The following DSCAM variants were observed in gnomAD, a reference collection of about 807,000 sequenced individuals.
DSCAM encodes DS cell adhesion molecule.
A neutral mutation model predicts 217.7 loss-of-function variants in DSCAM; 47 were observed. That is an observed-to-expected ratio of 0.22 (90% CI 0.17 to 0.28). The LOEUF (loss-of-function observed/expected upper bound fraction) is 0.28, where lower values mean the gene tolerates loss of function less well. DSCAM is among the 10% of genes least tolerant of loss of function. The pLI is 1.00. For synonymous variants in DSCAM, 1,056 were observed against 1,015.3 expected (o/e 1.04, Z -0.76); for missense variants, 2,080 against 2,618.3 (o/e 0.79, Z 4.49).
chr21:40,511,426 G>A (rs1220539072), intron 3 of DSCAM, among the ~76,000 whole-genome samples: 2 of 152,202 alleles, frequency 1.3e-5, no homozygotes, highest in East Asian at 1.9e-4. Flanking sequence ...GAAAACAAAT[G>A]TCATAAATTT....
At chr21:40,612,216 T>C (rs1053702677) in intron 3 of DSCAM, among the ~76,000 whole-genome samples, 2 of 152,166 alleles carry the variant, frequency 1.3e-5, no homozygotes, top group Non-Finnish European at 2.9e-5. Flanking sequence ...CTCATTGAGA[T>C]TTATAATTTA....
intron 1 of DSCAM, among the ~76,000 whole-genome samples, chr21:40,832,653 A>C (rs984880264): frequency 6.6e-6 from 1 of 152,210 alleles, no homozygotes; most frequent in African/African-American, 2.4e-5. Flanking sequence ...TCTGATTTAA[A>C]AAACTGCACA....
chr21:40,381,338 G>T (rs1480662231), intron 3 of DSCAM, among the ~76,000 whole-genome samples: 1 of 152,142 alleles, frequency 6.6e-6, no homozygotes, highest in African/African-American at 2.4e-5. Flanking sequence ...TGTGCTCGTT[G>T]TATCAGGCGG....
chr21:40,015,171 G>A (rs1290603815), intron 32 of DSCAM, among the ~76,000 whole-genome samples: 1 of 152,150 alleles, frequency 6.6e-6, no homozygotes, highest in Non-Finnish European at 1.5e-5. Context: ...CTGAGCCCTA[G>A]ATGTGAATTT....
intron 3 of DSCAM, among the ~76,000 whole-genome samples, chr21:40,407,151 CAAA>C (rs139257785): frequency 0.01 from 1,569 of 152,196 alleles, 29 homozygotes; most frequent in African/African-American, 0.035. Flanking sequence ...GTTCACACCA[CAAA>C]AAATGAGTCT....
intron 20 of DSCAM, among the ~76,000 whole-genome samples, chr21:40,115,397 C>T (rs552833465): frequency 6.6e-6 from 1 of 152,228 alleles, no homozygotes; most frequent in African/African-American, 2.4e-5. Context: ...GGGAACATCA[C>T]ACACTGGAGC....
chr21:40,062,832 C>A, intron 28 of DSCAM, 37 bp downstream of exon 28: 1 of 1,544,692 alleles, frequency 6.5e-7, no homozygotes, highest in Non-Finnish European at 8.7e-7. Context: ...ATTGTTCTTT[C>A]AAACATGATA....
intron 1 of DSCAM, among the ~76,000 whole-genome samples, chr21:40,784,021 A>G (rs2091570198): frequency 6.6e-6 from 1 of 150,476 alleles, no homozygotes; most frequent in Non-Finnish European, 1.5e-5. Flanking sequence ...AAACAAATTT[A>G]TAAAATAACT....
intron 3 of DSCAM, among the ~76,000 whole-genome samples, chr21:40,432,975 T>C (rs1247607384): frequency 6.6e-6 from 1 of 152,172 alleles, no homozygotes; most frequent in African/African-American, 2.4e-5. Flanking sequence ...CCAACATTTC[T>C]GTTGTAACCA....
chr21:40,177,189 C>T (rs2090743520), intron 15 of DSCAM, among the ~76,000 whole-genome samples: 1 of 152,232 alleles, frequency 6.6e-6, no homozygotes, highest in Non-Finnish European at 1.5e-5. Flanking sequence ...TGTTTACATA[C>T]ATAATTAAAT....
rs540172020 is a variant in DSCAM at position 40,371,383 on chromosome 21, G to C, written c.509-2138C>G. On this transcript the variant is annotated intron_variant, in intron 3 of 32. Coordinates refer to ENST00000400454, the MANE Select transcript of DSCAM (RefSeq NM_001389.5). Reference sequence around the variant, plus strand: ...TACTTACATAATGCTTTAATAATCAGTTCCTTTAAAGTACAGTTTGATAGA... The same window carrying C: ...TACTTACATAATGCTTTAATAATCACTTCCTTTAAAGTACAGTTTGATAGA... Among the ~76,000 whole-genome samples, 128 of 150,624 alleles carry C rather than the reference G, an allele frequency of 8.5e-4. 1 individual carries two copies. The highest frequency in any genetic ancestry group is 2.9e-3 in the African/African-American group (119 of 40,966).
intron 28 of DSCAM, among the ~76,000 whole-genome samples, chr21:40,058,070 C>T (rs907247410): frequency 2.0e-5 from 3 of 152,008 alleles, no homozygotes; most frequent in East Asian, 1.9e-4. Context: ...GACCGGGTTT[C>T]GCCCTGTTAG....
At chr21:40,616,327 G>T (rs1228772754) in intron 3 of DSCAM, among the ~76,000 whole-genome samples, 1 of 152,092 alleles carries the variant, frequency 6.6e-6, no homozygotes, top group African/African-American at 2.4e-5. Flanking sequence ...AATTAATAAG[G>T]TTGTTTTGTA....
chr21:40,487,301 G>A (rs865904916), intron 3 of DSCAM, among the ~76,000 whole-genome samples: 25 of 97,850 alleles, frequency 2.6e-4, no homozygotes, highest in African/African-American at 9.9e-4. Flanking sequence ...GCGTGTGTGC[G>A]TGCGTGTGTG....
rs1193939379 is a variant in DSCAM, at chr21:40,144,423, G to T, written c.3259+68C>A. On this transcript the variant is annotated intron_variant, in intron 17 of 32. Transcript: ENST00000400454. The surrounding 1 kb of genome is among the most constrained non-coding windows in gnomAD (Gnocchi z 4.8). ...GGCGGGGGAGTGCGAGGTTGGGGGA[G>T]CCCCGGGGCAGACCCGAGGGAACCT... The T allele has an allele frequency of 1.3e-6, 2 of 1,588,300 alleles. No homozygotes were observed. Among genetic ancestry groups the T allele is most frequent in the African/African-American group, 2.7e-5 (2 of 74,440 alleles).
At chr21:40,028,322 T>G (rs1403471998) in intron 32 of DSCAM, among the ~76,000 whole-genome samples, 1 of 70,754 alleles carries the variant, frequency 1.4e-5, no homozygotes, top group African/African-American at 4.9e-5. Context: ...TTTGTTTGTC[T>G]GTGCAGCCTA....
At chr21:40,800,715 CTTTT>C (rs34391500) in intron 1 of DSCAM, among the ~76,000 whole-genome samples, 1 of 131,076 alleles carries the variant, frequency 7.6e-6, no homozygotes, top group African/African-American at 2.9e-5. Context: ...TTCTTACTTT[CTTTT>C]TTTTTTTTTT....
chr21:40,269,547 C>T (rs1406298789), intron 11 of DSCAM, among the ~76,000 whole-genome samples: 2 of 152,210 alleles, frequency 1.3e-5, no homozygotes, highest in Admixed American at 6.5e-5. Context: ...GCTGCTGTAA[C>T]AAAGTTCCAC....
chr21:40,596,164 C>T (rs911377003), intron 3 of DSCAM, among the ~76,000 whole-genome samples: 11 of 152,212 alleles, frequency 7.2e-5, no homozygotes, highest in South Asian at 2.1e-4. Context: ...CACATCAACA[C>T]GGCTGACTCA....
Sources: gnomAD v4.1 joint callset for allele counts (sites outside exome capture counted in the v4.1 genomes callset) on GRCh38, gnomAD v4.1.1 for gene constraint, Gnocchi (gnomAD v3.1) non-coding constraint, MANE v1.5 for transcripts, NCBI Gene and HGNC (gene_info 2026-07-23, HGNC 2026-07-21) for gene names.